The following UNC79 variants were observed in gnomAD, a reference collection of about 807,000 sequenced individuals.
UNC79 encodes the protein protein unc-79 homolog.
Under a neutral mutation model 283.1 loss-of-function variants are expected in UNC79, and 37 were observed. The observed-to-expected ratio is 0.13, with a 90% confidence interval of 0.10 to 0.17. UNC79 has a LOEUF of 0.17. Among genes scored for constraint, UNC79 ranks in the 10% least tolerant of loss-of-function variants. The probability of loss-of-function intolerance (pLI) is 1.00; values close to 1 mark genes in which losing one functional copy is unlikely to be tolerated. For missense variants in UNC79, 2,272 were observed against 3,211.1 expected (o/e 0.71, Z 7.07); for synonymous variants, 1,107 against 1,200.2 (o/e 0.92, Z 1.61).
chr14:93,548,010 A>C (rs944392832), intron 14 of UNC79, among the ~76,000 whole-genome samples: 3 of 151,868 alleles, frequency 2.0e-5, no homozygotes, highest in African/African-American at 7.3e-5. Flanking sequence ...ACAAAAAATC[A>C]AAAACAAAAA....
At chr14:93,689,937 G>A (rs774164816) in intron 44 of UNC79, 180 bp from the exon 48 acceptor site, 283 of 625,932 alleles carry the variant, frequency 4.5e-4, no homozygotes, top group Non-Finnish European at 8.2e-5. Flanking sequence ...TCCAGGATTA[G>A]AGTGGAAAAC....
At chr14:93,540,506 T>C (rs72691076) in intron 12 of UNC79, among the ~76,000 whole-genome samples, 154 bp from the exon 13 acceptor site, 3,160 of 152,254 alleles carry the variant, frequency 0.021, 52 homozygotes, top group Non-Finnish European at 0.033. Context: ...TAACTCAGGA[T>C]GCACAGTACT....
At chr14:93,541,426 C>T (rs777928972) in intron 13 of UNC79, among the ~76,000 whole-genome samples, 1 of 152,204 alleles carries the variant, frequency 6.6e-6, no homozygotes, top group Non-Finnish European at 1.5e-5. Context: ...GGCAGAGAAG[C>T]AGGCTTTTGT....
chr14:93,378,084 G>A (rs143398710), intron 1 of UNC79, among the ~76,000 whole-genome samples: 14 of 152,246 alleles, frequency 9.2e-5, no homozygotes, highest in African/African-American at 1.7e-4. Context: ...AATAAGCCAC[G>A]GGATTAGGAC....
At chr14:93,686,514 A>C in intron 42 of UNC79, 58 bp from the exon 46 acceptor site, 1 of 1,569,380 alleles carries the variant, frequency 6.4e-7, no homozygotes, top group Non-Finnish European at 8.8e-7. Context: ...AGAGTGAGGC[A>C]ATCATTGGAG....
At chr14:93,358,577 A>G (rs376237646) in intron 1 of UNC79, among the ~76,000 whole-genome samples, 1 of 152,312 alleles carries the variant, frequency 6.6e-6, no homozygotes, top group Non-Finnish European at 1.5e-5. Flanking sequence ...ATTGATTGGA[A>G]AAGAATGGGA....
Position 93,416,035 on chromosome 14 carries a change from A to G in UNC79, c.-350-51636A>G, listed in dbSNP as rs1203030804. Among the ~76,000 whole-genome samples, 43 of 150,156 alleles carry G rather than the reference A, an allele frequency of 2.9e-4. 1 individual carries two copies. On this transcript the variant is annotated intron_variant, in intron 1 of 49. Coordinates refer to the UNC79 transcript ENST00000256339. The stretch of plus-strand genomic sequence containing the variant: ...CTCTATTTCCTTCAGTTCTGCTCTG[A>G]TTTTAGTTATTTCTTGCCTTCTGCT...
intron 1 of UNC79, among the ~76,000 whole-genome samples, chr14:93,363,142 C>A (rs1294035831): frequency 6.6e-6 from 1 of 152,028 alleles, no homozygotes; most frequent in Non-Finnish European, 1.5e-5. Context: ...AGCTGTGTCC[C>A]AAATATTATA....
At chr14:93,582,214 C>G in exon 20 of UNC79, 1 of 1,614,134 alleles carries the variant, frequency 6.2e-7, no homozygotes, top group African/African-American at 1.3e-5. Context: ...AGCCCACAGA[C>G]AGCCTGGAGG....
rs1426147047 is a variant in UNC79 at position 93,417,819 on chromosome 14, C to G, written c.-350-49852C>G. On this transcript the variant is annotated intron_variant, in intron 1 of 49. Coordinates refer to the UNC79 transcript ENST00000256339. ...TTTCTTCCAGTTGATTGCATCGACTCCTGAGGCTTCTCCATTCTTCACGTA... is the reference window on the plus strand; with the variant it reads ...TTTCTTCCAGTTGATTGCATCGACTGCTGAGGCTTCTCCATTCTTCACGTA... Among the ~76,000 whole-genome samples the G allele has an allele frequency of 3.3e-5, 5 of 150,422 alleles. 1 individual carries two copies. Among genetic ancestry groups the G allele is most frequent in the Non-Finnish European group, 7.4e-5 (5 of 67,134 alleles).
intron 14 of UNC79, among the ~76,000 whole-genome samples, chr14:93,563,110 G>A (rs2062663505): frequency 6.6e-6 from 1 of 152,186 alleles, no homozygotes; most frequent in African/African-American, 2.4e-5. Context: ...AGGCTGGAAG[G>A]AGATATTTTC....
intron 38 of UNC79, among the ~76,000 whole-genome samples, chr14:93,658,646 C>A (rs2071212753): frequency 6.6e-6 from 1 of 152,168 alleles, no homozygotes; most frequent in African/African-American, 2.4e-5. Flanking sequence ...AGAAATTTTA[C>A]TGCATTTTCT....
chr14:93,608,586 G>A (rs190022669), intron 26 of UNC79, among the ~76,000 whole-genome samples: 41 of 152,340 alleles, frequency 2.7e-4, no homozygotes, highest in Non-Finnish European at 5.4e-4. Flanking sequence ...GGAGATGAGC[G>A]AGGCAGTGTA....
intron 34 of UNC79, among the ~76,000 whole-genome samples, chr14:93,645,103 C>A (rs1352132510): frequency 6.6e-6 from 1 of 152,170 alleles, no homozygotes; most frequent in Non-Finnish European, 1.5e-5. Context: ...ACTATCAATA[C>A]TTCTTAGTTT....
chr14:93,398,580 G>T (rs2055043972), intron 1 of UNC79, among the ~76,000 whole-genome samples: 1 of 152,174 alleles, frequency 6.6e-6, no homozygotes, highest in African/African-American at 2.4e-5. Flanking sequence ...ACAGTGTGGG[G>T]CAGGCATTGC....
rs552951814 is a variant in UNC79, at chr14:93,564,660, T to A, written c.1756-7234T>A. 2.3e-3 allele frequency among the ~76,000 whole-genome samples: 348 copies of A among 151,984 alleles called. 2 individuals carry two copies. Among genetic ancestry groups the A allele is most frequent in the African/African-American group, 6.2e-3 (258 of 41,428 alleles). Reference sequence around the variant, plus strand: ...ATCACCTGGGTGCAGGCGGGCTGAGTCTGGAAAGAGAGTCAGCGAAGGGAG... The same window carrying A: ...ATCACCTGGGTGCAGGCGGGCTGAGACTGGAAAGAGAGTCAGCGAAGGGAG... On this transcript the variant is annotated intron_variant, in intron 14 of 48. Transcript: ENST00000555664.
At chr14:93,678,932 T>A (rs1053937839) in intron 41 of UNC79, among the ~76,000 whole-genome samples, 3 of 152,244 alleles carry the variant, frequency 2.0e-5, no homozygotes, top group Non-Finnish European at 4.4e-5. Context: ...GTTCTCCTTT[T>A]GCATTTTGGA....
At chr14:93,628,668 G>T (rs1486347428) in intron 30 of UNC79, among the ~76,000 whole-genome samples, 1 of 152,118 alleles carries the variant, frequency 6.6e-6, no homozygotes, top group Non-Finnish European at 1.5e-5. Flanking sequence ...AGGAATGAAA[G>T]GATAGCCTGA....
intron 1 of UNC79, among the ~76,000 whole-genome samples, chr14:93,393,883 T>C (rs188893605): frequency 2.6e-5 from 4 of 152,258 alleles, no homozygotes; most frequent in African/African-American, 9.6e-5. Context: ...GCTATTTTAT[T>C]TGGGGAGTTA....
Sources: gnomAD v4.1 joint callset for allele counts (sites outside exome capture counted in the v4.1 genomes callset) on GRCh38, gnomAD v4.1.1 for gene constraint, MANE v1.5 for transcripts, NCBI Gene and HGNC (gene_info 2026-07-23, HGNC 2026-07-21) for gene names.